The following ECT2L variants were observed in gnomAD, a reference collection of about 807,000 sequenced individuals.
The protein encoded by ECT2L is epithelial cell-transforming sequence 2 oncogene-like.
ECT2L carries 126 observed loss-of-function variants against 122.8 expected under a neutral mutation model. The observed-to-expected ratio is 1.03, with a 90% CI of 0.89 to 1.19. The LOEUF (loss-of-function observed/expected upper bound fraction) is 1.19, where lower values mean the gene tolerates loss of function less well. Ranked by LOEUF, ECT2L falls within the 50% of genes most tolerant of loss-of-function variation. ECT2L has a pLI of 0.00. For missense variants in ECT2L, 1,012 were observed against 1,064.1 expected (o/e 0.95, Z 0.68); for synonymous variants, 385 against 381.8 (o/e 1.01, Z -0.10).
intron 7 of ECT2L, among the ~76,000 whole-genome samples, chr6:138,845,582 A>C (rs1777191583): frequency 6.6e-6 from 1 of 151,424 alleles, no homozygotes; most frequent in Non-Finnish European, 1.5e-5. Flanking sequence ...TCACTCACCT[A>C]AGTTTCAAAT....
intron 6 of ECT2L, 22 bp from the exon 7 acceptor site, chr6:138,844,390 C>T: frequency 2.5e-6 from 4 of 1,610,162 alleles, no homozygotes; most frequent in Non-Finnish European, 3.4e-6. Flanking sequence ...ATCAGCCCCG[C>T]CTGCTGTTCT....
At chr6:138,865,919 A>G (rs1778018051) in intron 12 of ECT2L, among the ~76,000 whole-genome samples, 1 of 152,132 alleles carries the variant, frequency 6.6e-6, no homozygotes, top group Non-Finnish European at 1.5e-5. Context: ...GCCCAGCTCC[A>G]TATTTAAGGT....
At chr6:138,843,316 C>G (rs888664278) in intron 6 of ECT2L, 85 bp downstream of exon 6, 9 of 1,370,674 alleles carry the variant, frequency 6.6e-6, no homozygotes, top group Non-Finnish European at 8.8e-6. Context: ...AGAGGACAGC[C>G]CTGTCTTTCG....
At chr6:138,869,232 T>C (rs980054810) in intron 13 of ECT2L, among the ~76,000 whole-genome samples, 2 of 152,206 alleles carry the variant, frequency 1.3e-5, no homozygotes, top group Non-Finnish European at 2.9e-5. Flanking sequence ...GGGAATAGAA[T>C]GGAGATAGGG....
intron 20 of ECT2L, among the ~76,000 whole-genome samples, chr6:138,899,013 C>G (rs976531792): frequency 4.6e-5 from 7 of 151,932 alleles, no homozygotes; most frequent in African/African-American, 7.3e-5. Flanking sequence ...AAAGGGAAAC[C>G]ATAAATAAGG....
At chr6:138,855,461 A>G (rs1374611442) in intron 10 of ECT2L, among the ~76,000 whole-genome samples, 2 of 152,180 alleles carry the variant, frequency 1.3e-5, no homozygotes, top group African/African-American at 4.8e-5. Context: ...GTGAGCCAAG[A>G]TCGCACCACT....
intron 14 of ECT2L, among the ~76,000 whole-genome samples, chr6:138,880,691 T>G (rs1183298601): frequency 6.6e-6 from 1 of 152,180 alleles, no homozygotes; most frequent in East Asian, 1.9e-4. Context: ...GATGGACAGA[T>G]GGATAAAAAT....
At position 138,854,013 on chromosome 6, in the gene ECT2L, T is replaced by C. The variant is rs146285909; in HGVS notation, c.1070-13T>C. 4.3e-6 allele frequency: 7 copies of C among 1,611,936 alleles called. No homozygotes were observed. The highest frequency in any genetic ancestry group is 2.2e-5 in the East Asian group (1 of 44,870). Reference sequence around the variant, plus strand: ...TTACAAGCTAATATGACATTTTGATTTTTTTTCCTCAGGCTATAAAATTGG... The same window carrying C: ...TTACAAGCTAATATGACATTTTGATCTTTTTTCCTCAGGCTATAAAATTGG... On this transcript the variant is annotated splice_polypyrimidine_tract_variant and intron_variant, in intron 9 of 21. Transcript: ENST00000541398.
chr6:138,812,575 G>A (rs188199425), intron 1 of ECT2L, among the ~76,000 whole-genome samples: 200 of 152,250 alleles, frequency 1.3e-3, no homozygotes, highest in African/African-American at 4.5e-3. Context: ...AGGCTGAGGC[G>A]GGCAGATCAT....
chr6:138,864,369 C>T (rs1342750859), intron 11 of ECT2L, among the ~76,000 whole-genome samples: 1 of 152,146 alleles, frequency 6.6e-6, no homozygotes, highest in Non-Finnish European at 1.5e-5. Context: ...CTATCAGTAA[C>T]AGTAGAGGAA....
chr6:138,883,867 G>A (rs1419580644), intron 16 of ECT2L, among the ~76,000 whole-genome samples: 7 of 152,120 alleles, frequency 4.6e-5, no homozygotes, highest in African/African-American at 1.7e-4. Flanking sequence ...TTATTTGGTT[G>A]TGGGGTTTGT....
At chr6:138,882,671 T>C in intron 15 of ECT2L, 53 bp from the exon 16 acceptor site, 1 of 1,599,258 alleles carries the variant, frequency 6.3e-7, no homozygotes, top group Non-Finnish European at 8.5e-7. Flanking sequence ...ATATTTGGGT[T>C]TGTAAGTTAT....
At chr6:138,900,917 T>C (rs2128415802) in intron 20 of ECT2L, 31 bp from the exon 21 acceptor site, 1 of 1,605,328 alleles carries the variant, frequency 6.2e-7, no homozygotes, top group Non-Finnish European at 8.5e-7. Context: ...ATGTTATGTA[T>C]TAAAACTGTA....
At chr6:138,876,645 C>A in intron 14 of ECT2L, 87 bp downstream of exon 14, 5 of 768,508 alleles carry the variant, frequency 6.5e-6, no homozygotes, top group South Asian at 2.4e-5. Flanking sequence ...TCTTCATTTT[C>A]CTTGAAAATT....
intron 14 of ECT2L, 106 bp downstream of exon 14, chr6:138,876,664 G>A (rs1251621071): frequency 4.7e-6 from 3 of 644,318 alleles, no homozygotes; most frequent in Admixed American, 4.3e-5. Context: ...TTTCCCTTTG[G>A]GGGATTAAAA....
chr6:138,858,601 T>G (rs1207372378), intron 10 of ECT2L, among the ~76,000 whole-genome samples: 1 of 151,648 alleles, frequency 6.6e-6, no homozygotes, highest in Non-Finnish European at 1.5e-5. Flanking sequence ...CTCATGCCAT[T>G]CCATAATTTC....
At chr6:138,882,999 T>A (rs1034470422) in intron 16 of ECT2L, 128 bp downstream of exon 16, 2 of 1,009,126 alleles carry the variant, frequency 2.0e-6, no homozygotes, top group African/African-American at 3.3e-5. Flanking sequence ...CTTCCCATAC[T>A]GTGTGATCTC....
chr6:138,888,317 C>CTTTTTTT (rs71270363), intron 19 of ECT2L, among the ~76,000 whole-genome samples: 3 of 128,638 alleles, frequency 2.3e-5, no homozygotes, highest in Non-Finnish European at 4.8e-5. Context: ...TTTTTCTTTT[C>CTTTTTTT]TTTTTTTTTT....
At chr6:138,802,452 T>C (rs1775574338) in intron 1 of ECT2L, among the ~76,000 whole-genome samples, 1 of 152,224 alleles carries the variant, frequency 6.6e-6, no homozygotes, top group Admixed American at 6.5e-5. Context: ...AGATAATCAA[T>C]ACACACTGTG....
Sources: gnomAD v4.1 joint callset for allele counts (sites outside exome capture counted in the v4.1 genomes callset) on GRCh38, gnomAD v4.1.1 for gene constraint, MANE v1.5 for transcripts, NCBI Gene and HGNC (gene_info 2026-07-23, HGNC 2026-07-21) for gene names.